MAP2K5: variants seen among roughly 807,000 people sequenced by gnomAD.
MAP2K5 encodes the protein mitogen-activated protein kinase kinase 5, also known as dual specificity mitogen-activated protein kinase kinase 5.
A neutral mutation model predicts 83.1 loss-of-function variants in MAP2K5; 49 were observed. The ratio of observed to expected loss-of-function variants is 0.59; its 90% CI spans 0.47 to 0.75. The LOEUF (loss-of-function observed/expected upper bound fraction) is 0.75. Ranked by LOEUF, MAP2K5 falls within the 30% of genes least tolerant of loss-of-function variation. The pLI is 0.00. For synonymous variants in MAP2K5, 202 were observed against 191.8 expected (o/e 1.05, Z -0.44); for missense variants, 457 against 557.5 (o/e 0.82, Z 1.82).
intron 3 of MAP2K5, among the ~76,000 whole-genome samples, chr15:67,579,566 A>G (rs1235708761): frequency 6.6e-6 from 1 of 152,152 alleles, no homozygotes; most frequent in Non-Finnish European, 1.5e-5. Flanking sequence ...AGCTGGGTAC[A>G]CTTTTATCAG....
intron 13 of MAP2K5, among the ~76,000 whole-genome samples, chr15:67,689,758 C>T (rs1018466604): frequency 5.9e-5 from 9 of 152,130 alleles, no homozygotes; most frequent in African/African-American, 2.2e-4. Context: ...TCCATTGATC[C>T]ACTTAAGTCA....
Position 67,717,528 on chromosome 15 carries a change from C to A in MAP2K5, c.1045-10388C>A, listed in dbSNP as rs2088856297. The stretch of plus-strand genomic sequence containing the variant: ...TGAGAGTGTGGGCTGACATGAGTGT[C>A]AGAGAAAGCATTTCAGTTATTGATT... On this transcript the variant is annotated intron_variant, in intron 16 of 21. Transcript: ENST00000178640. The surrounding 1 kb of genome is among the most constrained non-coding windows in gnomAD (Gnocchi z 4.1). Among the ~76,000 whole-genome samples the A allele has an allele frequency of 6.6e-6, 1 of 152,136 alleles. No homozygotes were observed. The highest frequency in any genetic ancestry group is 2.4e-5 in the African/African-American group (1 of 41,408).
intron 3 of MAP2K5, among the ~76,000 whole-genome samples, chr15:67,570,029 A>G (rs904745799): frequency 1.3e-5 from 2 of 152,246 alleles, no homozygotes; most frequent in African/African-American, 4.8e-5. Flanking sequence ...CACTACCCCA[A>G]GCTAACCAAG....
intron 4 of MAP2K5, among the ~76,000 whole-genome samples, chr15:67,584,672 C>CTTTTTTTTTTTT (rs36111747): frequency 2.8e-5 from 3 of 106,104 alleles, no homozygotes; most frequent in Non-Finnish European, 5.4e-5. Flanking sequence ...ATATCTTCTC[C>CTTTTTTTTTTTT]TTTTTTTTTT....
intron 13 of MAP2K5, among the ~76,000 whole-genome samples, chr15:67,678,403 C>G (rs1304654627): frequency 2.6e-5 from 4 of 152,282 alleles, no homozygotes; most frequent in Admixed American, 6.5e-5. Context: ...TGTCATCCCA[C>G]AACAGCCACA....
At chr15:67,723,728 T>C (rs1200325370) in intron 16 of MAP2K5, among the ~76,000 whole-genome samples, 1 of 152,126 alleles carries the variant, frequency 6.6e-6, no homozygotes, top group East Asian at 1.9e-4. Flanking sequence ...CACTTATATG[T>C]GTCTACATTT....
intron 12 of MAP2K5, among the ~76,000 whole-genome samples, chr15:67,661,928 T>C (rs940967375): frequency 5.9e-5 from 9 of 152,140 alleles, no homozygotes; most frequent in Non-Finnish European, 1.0e-4. Flanking sequence ...TTTATAAACA[T>C]TTAAAGAAAT....
chr15:67,571,741 G>A (rs1163177388), intron 3 of MAP2K5, among the ~76,000 whole-genome samples: 1 of 152,012 alleles, frequency 6.6e-6, no homozygotes, highest in East Asian at 1.9e-4. Context: ...ATAAACAATT[G>A]TGTGCCTTTC....
At chr15:67,592,900 C>T in intron 6 of MAP2K5, 26 bp from the exon 7 acceptor site, 5 of 1,571,664 alleles carry the variant, frequency 3.2e-6, no homozygotes, top group Non-Finnish European at 4.4e-6. Context: ...ATGATCTTGC[C>T]ACTAAAAATT....
rs1379986129 is a variant in MAP2K5 at position 67,790,936 on chromosome 15, A to C, written c.1243-15710A>C. On this transcript the variant is annotated intron_variant, in intron 21 of 21. Coordinates refer to ENST00000178640, the MANE Select transcript of MAP2K5 (RefSeq NM_145160.3). This position sits in a 1 kb window ranked among gnomAD's most constrained non-coding sequence, Gnocchi z 4.6. ...GATGCTGTTCTCCATATTTTACAGAAGACGAGTCAGAGCTAGGGGGAATAA... is the reference window on the plus strand; with the variant it reads ...GATGCTGTTCTCCATATTTTACAGACGACGAGTCAGAGCTAGGGGGAATAA... 6.6e-6 allele frequency among the ~76,000 whole-genome samples: 1 copy of C among 152,198 alleles called. No homozygotes were observed. Among genetic ancestry groups the C allele is most frequent in the Non-Finnish European group, 1.5e-5 (1 of 68,028 alleles).
chr15:67,615,385 A>G (rs1445872213), intron 8 of MAP2K5, among the ~76,000 whole-genome samples: 3 of 152,192 alleles, frequency 2.0e-5, no homozygotes, highest in Non-Finnish European at 4.4e-5. Flanking sequence ...AAAGACTGCT[A>G]TTTGAACTAG....
chr15:67,622,458 C>A (rs1044558796), intron 8 of MAP2K5, among the ~76,000 whole-genome samples: 3 of 151,890 alleles, frequency 2.0e-5, no homozygotes, highest in African/African-American at 7.3e-5. Flanking sequence ...TAGAAATCTA[C>A]CCATGAAATG....
At chr15:67,729,218 A>G (rs1025911189) in intron 17 of MAP2K5, among the ~76,000 whole-genome samples, 1 of 152,210 alleles carries the variant, frequency 6.6e-6, no homozygotes, top group African/African-American at 2.4e-5. Context: ...ATAGCTCATT[A>G]GAATATTTAT....
At chr15:67,772,895 T>C in intron 21 of MAP2K5, 143 bp downstream of exon 21, 1 of 566,590 alleles carries the variant, frequency 1.8e-6, no homozygotes, top group Non-Finnish European at 3.0e-6. Context: ...TAGATGTTTT[T>C]GAAGCTCATA....
chr15:67,653,920 A>T (rs533421556), intron 11 of MAP2K5, among the ~76,000 whole-genome samples: 1 of 152,092 alleles, frequency 6.6e-6, no homozygotes, highest in South Asian at 2.1e-4. Flanking sequence ...TATGATAGAA[A>T]TCTCTTGCGA....
At chr15:67,586,959 A>T (rs1242624868) in intron 6 of MAP2K5, 46 bp downstream of exon 6, 4 of 1,591,088 alleles carry the variant, frequency 2.5e-6, no homozygotes, top group Non-Finnish European at 8.6e-7. Context: ...ATTTATCTAC[A>T]GAGTTGGGGT....
Position 67,738,718 on chromosome 15 carries a change from G to C in MAP2K5, c.1075-9513G>C, listed in dbSNP as rs1423587011. Among the ~76,000 whole-genome samples, 3 of 152,174 alleles carry C rather than the reference G, an allele frequency of 2.0e-5. No homozygotes were observed. ...ACATGTACACACAACCACACGAGCA[G>C]CTCTGCTTCTATCTGGTAATTTTTA... On this transcript the variant is annotated intron_variant, in intron 17 of 21. Transcript: ENST00000178640. This position sits in a 1 kb window ranked among gnomAD's most constrained non-coding sequence, Gnocchi z 4.1.
At chr15:67,643,713 T>TCA (rs2141114150) in intron 9 of MAP2K5, among the ~76,000 whole-genome samples, 1 of 152,268 alleles carries the variant, frequency 6.6e-6, no homozygotes, top group Admixed American at 6.5e-5. Context: ...CCTCCCAAAG[T>TCA]GCTGGGATTA....
At chr15:67,549,941 C>A (rs2084473799) in intron 1 of MAP2K5, 93 bp from the exon 2 acceptor site, 1 of 915,728 alleles carries the variant, frequency 1.1e-6, no homozygotes. Flanking sequence ...TTTCAAAAAT[C>A]TTTCCCAGGT....
Sources: gnomAD v4.1 joint callset for allele counts (sites outside exome capture counted in the v4.1 genomes callset) on GRCh38, gnomAD v4.1.1 for gene constraint, Gnocchi (gnomAD v3.1) non-coding constraint, MANE v1.5 for transcripts, NCBI Gene and HGNC (gene_info 2026-07-23, HGNC 2026-07-21) for gene names.